The following EFR3B variants were observed in gnomAD, a reference collection of about 807,000 sequenced individuals.
EFR3B encodes EFR3 homolog B, also known as protein EFR3 homolog B.
Under a neutral mutation model 104.7 loss-of-function variants are expected in EFR3B, and 64 were observed. The ratio of observed to expected loss-of-function variants is 0.61; its 90% confidence interval spans 0.50 to 0.75. EFR3B has a LOEUF of 0.75. EFR3B is among the 30% of genes least tolerant of loss of function. EFR3B has a pLI of 0.00. For missense variants in EFR3B, 750 were observed against 1,078.5 expected (o/e 0.70, Z 4.27); for synonymous variants, 385 against 417.9 (o/e 0.92, Z 0.96).
At chr2:25,094,906 C>T (rs1669235839) in intron 3 of EFR3B, among the ~76,000 whole-genome samples, 1 of 152,162 alleles carries the variant, frequency 6.6e-6, no homozygotes, top group South Asian at 2.1e-4. Flanking sequence ...CCTCCCACCT[C>T]AGCCTCCCAT....
intron 4 of EFR3B, among the ~76,000 whole-genome samples, chr2:25,118,667 A>T (rs138205787): frequency 0.019 from 2,398 of 127,602 alleles, 30 homozygotes; most frequent in Non-Finnish European, 0.031. Flanking sequence ...AGGTGGGAGG[A>T]TTGCTTGATC....
At chr2:25,143,927 A>C in intron 18 of EFR3B, 65 bp downstream of exon 18, 1 of 1,515,884 alleles carries the variant, frequency 6.6e-7, no homozygotes, top group Non-Finnish European at 8.9e-7. Context: ...TAAGGGCCTG[A>C]GCATAAGGGA....
At chr2:25,071,754 A>T (rs1323652038) in intron 1 of EFR3B, among the ~76,000 whole-genome samples, 1 of 152,124 alleles carries the variant, frequency 6.6e-6, no homozygotes, top group Admixed American at 6.6e-5. Flanking sequence ...AAATTGTGTC[A>T]TGGAGGTTTG....
chr2:25,042,362 C>T lies in EFR3B; in HGVS notation c.7+43C>T. ...CCCGGGCCCGGGCCCGCGGGGGCGA[C>T]TCCGCAAACTTCCCCGGCGCGGACC... On this transcript the variant is annotated intron_variant, in intron 1 of 22. Coordinates refer to ENST00000403714, the MANE Select transcript of EFR3B (RefSeq NM_014971.2). The surrounding 1 kb of genome is among the most constrained non-coding windows in gnomAD (Gnocchi z 5.4). The T allele has an allele frequency of 8.1e-7, 1 of 1,241,350 alleles. No individual in the cohort carries two copies. The highest frequency in any genetic ancestry group is 1.0e-6 in the Non-Finnish European group (1 of 991,538). 76.9% of individuals were successfully genotyped at this position (1,241,350 alleles called of 1,614,324 possible).
At chr2:25,123,586 C>T (rs1159887125) in intron 5 of EFR3B, among the ~76,000 whole-genome samples, 1 of 152,170 alleles carries the variant, frequency 6.6e-6, no homozygotes, top group Non-Finnish European at 1.5e-5. Flanking sequence ...CATCCTCTCC[C>T]AGAATTAGCT....
chr2:25,077,492 T>C (rs556313495), intron 1 of EFR3B, among the ~76,000 whole-genome samples: 230 of 152,344 alleles, frequency 1.5e-3, no homozygotes, highest in Middle Eastern at 6.8e-3. Context: ...GGTTTCACCA[T>C]GTTGGCCAGG....
intron 1 of EFR3B, among the ~76,000 whole-genome samples, chr2:25,055,473 G>A (rs933395757): frequency 2.0e-5 from 3 of 152,050 alleles, no homozygotes; most frequent in Non-Finnish European, 2.9e-5. Flanking sequence ...GGATTCAAAC[G>A]CTAACTGTCT....
chr2:25,132,462 T>TGA (rs1670372657), intron 10 of EFR3B, among the ~76,000 whole-genome samples: 1 of 152,188 alleles, frequency 6.6e-6, no homozygotes, highest in Admixed American at 6.5e-5. Flanking sequence ...CCTAGCCATG[T>TGA]GAGCTTCCCT....
intron 1 of EFR3B, among the ~76,000 whole-genome samples, chr2:25,089,888 G>A (rs1200408432): frequency 6.6e-6 from 1 of 151,988 alleles, no homozygotes; most frequent in East Asian, 1.9e-4. Flanking sequence ...CTGCCCCTGG[G>A]TGCCCGCCAT....
At position 25,136,223 on chromosome 2, in the gene EFR3B, T is replaced by G. The variant is rs1670511465; in HGVS notation, c.1485-300T>G. Among the ~76,000 whole-genome samples, 1 of 150,994 alleles carries G rather than the reference T, an allele frequency of 6.6e-6. No homozygotes were observed. The highest frequency in any genetic ancestry group is 2.1e-4 in the South Asian group (1 of 4,754). ...GTCCCAGCTCTTTGGGAGGCTGAGT[T>G]GGGAGGATTGCTTGAGCCCTGGAGG... is the stretch of plus-strand genomic sequence containing the variant. On this transcript the variant is annotated intron_variant, in intron 13 of 22. Transcript: ENST00000403714. This position sits in a 1 kb window ranked among gnomAD's most constrained non-coding sequence, Gnocchi z 4.0.
rs1358513191 is a variant in EFR3B at position 25,136,941 on chromosome 2, C to CCTCCTCCCTCTGTAGCTATGT, written c.1560+361_1561-362dup. On this transcript the variant is annotated intron_variant, in intron 14 of 22. Coordinates refer to ENST00000403714, the MANE Select transcript of EFR3B (RefSeq NM_014971.2). This position sits in a 1 kb window ranked among gnomAD's most constrained non-coding sequence, Gnocchi z 4.0. ...GACCACTGACTGCCCTTGGAGCCTG[C>CCTCCTCCCTCTGTAGCTATGT]CTCCTCCCTCTGTAGCTATGTCTCC... Among the ~76,000 whole-genome samples, 26 of 152,030 alleles carry CCTCCTCCCTCTGTAGCTATGT rather than the reference C, an allele frequency of 1.7e-4. No homozygotes were observed. The highest frequency in any genetic ancestry group is 6.3e-4 in the African/African-American group (26 of 41,390).
intron 19 of EFR3B, chr2:25,145,568 C>T (rs573656235): frequency 6.4e-4 from 101 of 158,676 alleles, no homozygotes; most frequent in African/African-American, 2.3e-3. Flanking sequence ...AGTGAGACCT[C>T]GTCTCAAAAA....
chr2:25,132,838 G>A, intron 10 of EFR3B, 65 bp from the exon 11 acceptor site: 1 of 1,378,660 alleles, frequency 7.3e-7, no homozygotes, highest in Non-Finnish European at 1.0e-6. Flanking sequence ...GCAGCTGAAA[G>A]GCTGAACCAG....
intron 6 of EFR3B, among the ~76,000 whole-genome samples, chr2:25,129,419 T>C (rs960314541): frequency 1.3e-5 from 2 of 150,430 alleles, no homozygotes; most frequent in Non-Finnish European, 3.0e-5. Context: ...TGGAATAGCA[T>C]CTCACTGACA....
chr2:25,126,018 T>C (rs192168420), intron 5 of EFR3B, among the ~76,000 whole-genome samples: 9 of 152,354 alleles, frequency 5.9e-5, no homozygotes, highest in Admixed American at 5.2e-4. Flanking sequence ...AGGATTTGAA[T>C]TGAAATAGCT....
Position 25,155,809 on chromosome 2 carries a change from A to G in EFR3B, c.*1469A>G, listed in dbSNP as rs941745043. ...TTCTCTCCCTGGAGTCTGCTTTCCA[A>G]AGGAGGCAGGGTGAGTAGATTTCTT... On this transcript the variant is annotated 3_prime_UTR_variant, in exon 23 of 23. Transcript: ENST00000403714. 5.3e-5 allele frequency: 8 copies of G among 152,208 alleles called. No homozygotes were observed. Among genetic ancestry groups the G allele is most frequent in the African/African-American group, 1.4e-4 (6 of 41,522 alleles). The allele number at this position is 152,208 out of a possible 1,614,324, so 9.4% of individuals were successfully genotyped here.
At chr2:25,055,087 G>A (rs1446556205) in intron 1 of EFR3B, among the ~76,000 whole-genome samples, 1 of 152,200 alleles carries the variant, frequency 6.6e-6, no homozygotes, top group African/African-American at 2.4e-5. Flanking sequence ...TGTCATCATT[G>A]TTTCTGTGGT....
intron 4 of EFR3B, among the ~76,000 whole-genome samples, chr2:25,118,809 G>A (rs1669937896): frequency 6.7e-6 from 1 of 149,564 alleles, no homozygotes; most frequent in Non-Finnish European, 1.5e-5. Context: ...GGGAGGCCAA[G>A]GCGGGCGGAT....
rs71392994 is a variant in EFR3B at position 25,051,623 on chromosome 2, T to TTG, written c.7+9318_7+9319dup. Among the ~76,000 whole-genome samples, 1,334 of 139,938 alleles carry TTG rather than the reference T, an allele frequency of 9.5e-3. 31 individuals carry two copies. The highest frequency in any genetic ancestry group is 0.02 in the African/African-American group (790 of 39,238). The allele number at this position is 139,938 out of a possible 152,430, so 91.8% of individuals were successfully genotyped here. ...TGAAAGCAGAGAACACATTTCTCTT[T>TTG]TGTGTGTGTGTGTGTTTTTTTTTTT... On this transcript the variant is annotated intron_variant, in intron 1 of 22. Transcript: ENST00000403714.
Sources: gnomAD v4.1 joint callset for allele counts (sites outside exome capture counted in the v4.1 genomes callset) on GRCh38, gnomAD v4.1.1 for gene constraint, Gnocchi (gnomAD v3.1) non-coding constraint, MANE v1.5 for transcripts, NCBI Gene and HGNC (gene_info 2026-07-23, HGNC 2026-07-21) for gene names.